Variants in CREB3L2 observed in about 807,000 individuals in gnomAD.
CREB3L2 encodes the protein cyclic AMP-responsive element-binding protein 3-like protein 2.
In CREB3L2, 23 loss-of-function variants were observed where a neutral mutation model predicts 57.2. The ratio of observed to expected loss-of-function variants is 0.40; its 90% CI spans 0.29 to 0.57. The LOEUF (loss-of-function observed/expected upper bound fraction) is 0.57, where lower values mean the gene tolerates loss of function less well. CREB3L2 is among the 20% of genes least tolerant of loss of function. The pLI is 0.42. For synonymous variants in CREB3L2, 268 were observed against 265.1 expected (o/e 1.01, Z -0.11); for missense variants, 628 against 634.7 (o/e 0.99, Z 0.11).
chr7:137,987,516 A>C (rs976999896), intron 1 of CREB3L2, among the ~76,000 whole-genome samples: 2 of 152,242 alleles, frequency 1.3e-5, no homozygotes, highest in African/African-American at 4.8e-5. Context: ...ATTAAGTTTA[A>C]ATCAAAAGCT....
Position 137,879,901 on chromosome 7 carries a change from G to C in CREB3L2, c.*575C>G, listed in dbSNP as rs1024732080. 4 of 235,840 alleles carry C rather than the reference G, an allele frequency of 1.7e-5. No individual in the cohort carries two copies. The highest frequency in any genetic ancestry group is 5.5e-5 in the Admixed American group (1 of 18,346). The allele number at this position is 235,840 out of a possible 1,614,324, so 14.6% of individuals were successfully genotyped here. On this transcript the variant is annotated 3_prime_UTR_variant, in exon 12 of 12. Transcript: ENST00000330387. Reference sequence around the variant, plus strand: ...CATTGCACTTGCGGCCTGAGAATATGAACGAGAGCCCTCGCCTGCCAGTGC... The same window carrying C: ...CATTGCACTTGCGGCCTGAGAATATCAACGAGAGCCCTCGCCTGCCAGTGC...
intron 1 of CREB3L2, among the ~76,000 whole-genome samples, chr7:137,948,122 T>G (rs1801030665): frequency 1.3e-5 from 2 of 152,202 alleles, no homozygotes; most frequent in South Asian, 4.1e-4. Flanking sequence ...TTCCCATGAT[T>G]CCCTGTCTCC....
chr7:137,923,371 G>A (rs985619040), intron 2 of CREB3L2, among the ~76,000 whole-genome samples: 1 of 152,298 alleles, frequency 6.6e-6, no homozygotes, highest in African/African-American at 2.4e-5. Context: ...AAAATAGCGT[G>A]TATTACAAAC....
intron 1 of CREB3L2, among the ~76,000 whole-genome samples, chr7:137,945,883 C>G (rs1194702122): frequency 1.3e-5 from 2 of 152,200 alleles, no homozygotes; most frequent in African/African-American, 4.8e-5. Flanking sequence ...CAAATTTCCA[C>G]CTTGAGCCGC....
intron 1 of CREB3L2, among the ~76,000 whole-genome samples, chr7:137,988,281 G>C (rs143297921): frequency 6.6e-6 from 1 of 152,274 alleles, no homozygotes; most frequent in Admixed American, 6.5e-5. Context: ...AGGCACAAGA[G>C]GGGAGCAGGG....
intron 2 of CREB3L2, among the ~76,000 whole-genome samples, chr7:137,919,152 A>G (rs967172622): frequency 2.6e-5 from 4 of 151,828 alleles, no homozygotes; most frequent in Non-Finnish European, 5.9e-5. Context: ...AAAGAGATTT[A>G]AGGCCATTGA....
intron 1 of CREB3L2, among the ~76,000 whole-genome samples, chr7:137,947,891 C>T (rs747478210): frequency 6.6e-6 from 1 of 152,190 alleles, no homozygotes; most frequent in Admixed American, 6.5e-5. Flanking sequence ...CCTGCCCTGT[C>T]TTTACAGGAG....
chr7:137,987,502 A>G lies in CREB3L2; in HGVS notation c.102+14102T>C, dbSNP rs1332057718. On this transcript the variant is annotated intron_variant, in intron 1 of 11. Transcript: ENST00000330387. ...GGAGGCTTATCTGTGACTAATCTCT[A>G]AAAATTAAGTTTAAATCAAAAGCTG... 2.6e-5 allele frequency among the ~76,000 whole-genome samples: 4 copies of G among 152,216 alleles called. No homozygotes were observed. The East Asian group carries it at 7.7e-4, about 29-fold the overall frequency.
At chr7:137,978,460 T>C (rs1801648580) in intron 1 of CREB3L2, among the ~76,000 whole-genome samples, 1 of 152,138 alleles carries the variant, frequency 6.6e-6, no homozygotes, top group Non-Finnish European at 1.5e-5. Context: ...CTCCTCCCTA[T>C]GATGTCTCTG....
intron 1 of CREB3L2, among the ~76,000 whole-genome samples, chr7:137,948,395 A>G (rs1222718695): frequency 6.6e-6 from 1 of 152,210 alleles, no homozygotes; most frequent in Non-Finnish European, 1.5e-5. Context: ...CCAGGGGGAC[A>G]TTATGGTAGG....
intron 8 of CREB3L2, among the ~76,000 whole-genome samples, chr7:137,894,168 C>T (rs1799574579): frequency 6.6e-6 from 1 of 152,206 alleles, no homozygotes; most frequent in Non-Finnish European, 1.5e-5. Context: ...GAGGTAATGT[C>T]TCTCCCTGGG....
chr7:137,979,500 C>T (rs552355224), intron 1 of CREB3L2, among the ~76,000 whole-genome samples: 22 of 152,022 alleles, frequency 1.4e-4, no homozygotes, highest in South Asian at 2.1e-4. Flanking sequence ...CTGAGGCGGG[C>T]GGATCACGAG....
chr7:137,922,889 A>G, intron 2 of CREB3L2: 1 of 198,830 alleles, frequency 5.0e-6, no homozygotes, highest in South Asian at 7.3e-5. Context: ...CAATTTTTTT[A>G]TGTAAAAATC....
chr7:137,946,902 A>ATC (rs1403053800), intron 1 of CREB3L2, among the ~76,000 whole-genome samples: 2 of 25,760 alleles, frequency 7.8e-5, no homozygotes, highest in African/African-American at 1.3e-4. Context: ...ATATATAGTT[A>ATC]TATATATAGT....
chr7:137,987,164 A>T (rs541294386), intron 1 of CREB3L2, among the ~76,000 whole-genome samples: 1 of 152,248 alleles, frequency 6.6e-6, no homozygotes, highest in South Asian at 2.1e-4. Flanking sequence ...ATTCAGGGGT[A>T]GGAAGTAAAA....
At chr7:137,935,420 T>C (rs1381292003) in intron 1 of CREB3L2, among the ~76,000 whole-genome samples, 2 of 152,242 alleles carry the variant, frequency 1.3e-5, no homozygotes, top group Non-Finnish European at 2.9e-5. Flanking sequence ...GTACTTCTTT[T>C]AGAAAGTCAT....
At chr7:137,932,682 A>G (rs939766680) in intron 1 of CREB3L2, among the ~76,000 whole-genome samples, 3 of 152,174 alleles carry the variant, frequency 2.0e-5, no homozygotes, top group African/African-American at 4.8e-5. Context: ...TCCTCTCCCT[A>G]CGCCACTTTA....
intron 1 of CREB3L2, among the ~76,000 whole-genome samples, chr7:137,956,819 C>T (rs1441671034): frequency 6.6e-6 from 1 of 152,178 alleles, no homozygotes; most frequent in East Asian, 1.9e-4. Context: ...AACAACATTC[C>T]GCACAGAGCT....
At chr7:137,972,698 A>AC (rs772015841) in intron 1 of CREB3L2, among the ~76,000 whole-genome samples, 3,223 of 49,688 alleles carry the variant, frequency 0.065, 378 homozygotes, top group Admixed American at 0.26. Flanking sequence ...AAAAAAAAAA[A>AC]AAAAAAAAAA....
Sources: allele counts gnomAD v4.1 joint callset (sites outside exome capture counted in the v4.1 genomes callset), GRCh38; gene constraint gnomAD v4.1.1; transcripts MANE v1.5; gene names NCBI Gene and HGNC (gene_info 2026-07-23, HGNC 2026-07-21).